RARB: variants seen among roughly 807,000 people sequenced by gnomAD.
The protein encoded by RARB is HBV-activated protein.
RARB carries 17 observed loss-of-function variants against 51.9 expected under a neutral mutation model. That is an observed-to-expected ratio of 0.33 (90% CI 0.22 to 0.49). The LOEUF (loss-of-function observed/expected upper bound fraction) is 0.49. Ranked by LOEUF, RARB falls within the 20% of genes least tolerant of loss-of-function variation. The pLI, the probability that RARB is intolerant of heterozygous loss-of-function variation, is 0.99. For synonymous variants in RARB, 215 were observed against 195.4 expected (o/e 1.10, Z -0.84); for missense variants, 369 against 550.8 (o/e 0.67, Z 3.30).
chr3:25,343,044 G>GTGTGTA (rs1705280548), intron 5 of RARB, among the ~76,000 whole-genome samples: 1 of 150,516 alleles, frequency 6.6e-6, no homozygotes, highest in African/African-American at 2.4e-5. Context: ...GTGTGTGTGT[G>GTGTGTA]TGTGTGTGTG....
intron 2 of RARB, among the ~76,000 whole-genome samples, chr3:25,467,415 T>C (rs966727547): frequency 7.9e-5 from 12 of 152,216 alleles, no homozygotes. Flanking sequence ...GACCAGATCC[T>C]CTCCCCCTGT....
intron 5 of RARB, among the ~76,000 whole-genome samples, chr3:25,367,497 G>T (rs149545452): frequency 1.3e-5 from 2 of 152,040 alleles, no homozygotes; most frequent in Non-Finnish European, 2.9e-5. Context: ...TGGTGGGATT[G>T]TATCAGTCCC....
intron 2 of RARB, among the ~76,000 whole-genome samples, chr3:24,916,543 G>C (rs997441697): frequency 2.6e-5 from 4 of 152,132 alleles, no homozygotes; most frequent in African/African-American, 9.7e-5. Context: ...TACCCTCTCT[G>C]ATACCTGTGA....
At chr3:25,480,358 T>G (rs1386211773) in intron 2 of RARB, among the ~76,000 whole-genome samples, 1 of 152,218 alleles carries the variant, frequency 6.6e-6, no homozygotes, top group East Asian at 1.9e-4. Context: ...ATAAAGTAGT[T>G]GCTGTTGCTG....
chr3:25,524,650 T>C (rs1395056655), intron 3 of RARB, among the ~76,000 whole-genome samples: 2 of 120,962 alleles, frequency 1.7e-5, no homozygotes, highest in South Asian at 2.9e-4. Flanking sequence ...CCTCCCTCCC[T>C]CCTTCCTTCC....
At chr3:25,553,265 C>T (rs1699918937) in intron 3 of RARB, among the ~76,000 whole-genome samples, 2 of 152,016 alleles carry the variant, frequency 1.3e-5, no homozygotes, top group African/African-American at 4.8e-5. Flanking sequence ...GGATGGGAGC[C>T]TCCTTGAGGG....
chr3:25,290,961 A>G (rs1202668586), intron 5 of RARB, among the ~76,000 whole-genome samples: 3 of 152,140 alleles, frequency 2.0e-5, no homozygotes, highest in Admixed American at 6.5e-5. Context: ...CTGACCCTGA[A>G]GTTTTCTATG....
intron 2 of RARB, among the ~76,000 whole-genome samples, chr3:25,482,550 T>G (rs1201779171): frequency 8.4e-6 from 1 of 119,696 alleles, no homozygotes; most frequent in East Asian, 2.3e-4. Context: ...TTTTTTTTTT[T>G]TTTTTTTGAG....
intron 5 of RARB, among the ~76,000 whole-genome samples, chr3:25,406,994 C>T (rs1208290688): frequency 1.3e-5 from 2 of 152,220 alleles, no homozygotes; most frequent in Admixed American, 6.5e-5. Context: ...TTTCCAAATT[C>T]TGTAACATTT....
chr3:24,855,070 G>T (rs1023015124), intron 1 of RARB, among the ~76,000 whole-genome samples: 1 of 152,160 alleles, frequency 6.6e-6, no homozygotes, highest in East Asian at 1.9e-4. Flanking sequence ...TATGCTACAC[G>T]TCAGATTTGT....
intron 2 of RARB, among the ~76,000 whole-genome samples, chr3:25,041,941 C>T (rs1698123157): frequency 6.6e-6 from 1 of 152,036 alleles, no homozygotes; most frequent in Non-Finnish European, 1.5e-5. Flanking sequence ...ATTGATGTTG[C>T]AGTTAAAGCT....
chr3:25,519,696 A>G (rs992769496), intron 3 of RARB, among the ~76,000 whole-genome samples: 3 of 152,262 alleles, frequency 2.0e-5, no homozygotes, highest in South Asian at 2.1e-4. Flanking sequence ...ATCACTTATC[A>G]TTTTAGTGCA....
intron 2 of RARB, among the ~76,000 whole-genome samples, chr3:24,950,676 C>T (rs528246040): frequency 6.8e-6 from 1 of 146,876 alleles, no homozygotes; most frequent in South Asian, 2.1e-4. Context: ...TAGTGGAAGA[C>T]CTAGGGTATA....
intron 3 of RARB, among the ~76,000 whole-genome samples, chr3:25,529,990 C>T (rs1559453197): frequency 6.6e-6 from 1 of 152,160 alleles, no homozygotes; most frequent in South Asian, 2.1e-4. Context: ...TGTCCTGGCC[C>T]CTGCTCGCCT....
intron 2 of RARB, among the ~76,000 whole-genome samples, chr3:24,921,732 A>C (rs1370900936): frequency 1.3e-5 from 2 of 152,166 alleles, no homozygotes; most frequent in African/African-American, 4.8e-5. Context: ...CCCTCTACCC[A>C]GACTAAATTT....
intron 3 of RARB, among the ~76,000 whole-genome samples, chr3:25,544,552 G>T (rs369021381): frequency 5.3e-5 from 8 of 152,176 alleles, no homozygotes; most frequent in African/African-American, 1.9e-4. Context: ...AGACACTGAT[G>T]TTTAGCTGAA....
At chr3:25,266,224 T>G (rs1703123509) in intron 5 of RARB, among the ~76,000 whole-genome samples, 1 of 152,172 alleles carries the variant, frequency 6.6e-6, no homozygotes, top group Non-Finnish European at 1.5e-5. Flanking sequence ...TAACACAATA[T>G]TAGGCTTTTA....
chr3:25,503,955 A>G (rs1215295082), intron 3 of RARB, among the ~76,000 whole-genome samples: 1 of 152,212 alleles, frequency 6.6e-6, no homozygotes, highest in Non-Finnish European at 1.5e-5. Flanking sequence ...CTGGCTGAAG[A>G]CATAACCAAG....
intron 2 of RARB, among the ~76,000 whole-genome samples, chr3:25,054,201 C>T (rs774278548): frequency 6.6e-6 from 1 of 152,146 alleles, no homozygotes; most frequent in Non-Finnish European, 1.5e-5. Flanking sequence ...CTCTTTTAAA[C>T]CAAATGTGCA....
Sources: allele counts gnomAD v4.1 joint callset (sites outside exome capture counted in the v4.1 genomes callset), GRCh38; gene constraint gnomAD v4.1.1; transcripts MANE v1.5; gene names NCBI Gene and HGNC (gene_info 2026-07-23, HGNC 2026-07-21).